Variants in ERCC6 observed in about 807,000 individuals in gnomAD.
ERCC6 encodes the protein DNA excision repair protein ERCC-6.
ERCC6 carries 116 observed loss-of-function variants against 158.7 expected under a neutral mutation model. The observed-to-expected ratio is 0.73, with a 90% CI of 0.63 to 0.85. The LOEUF is 0.85. ERCC6 is among the 40% of genes least tolerant of loss of function. ERCC6 has a pLI of 0.00. For missense variants in ERCC6, 1,698 were observed against 1,799.4 expected (o/e 0.94, Z 1.02); for synonymous variants, 678 against 659.3 (o/e 1.03, Z -0.43).
intron 1 of ERCC6, among the ~76,000 whole-genome samples, chr10:49,534,668 G>A (rs557786905): frequency 6.6e-6 from 1 of 152,230 alleles, no homozygotes; most frequent in African/African-American, 2.4e-5. Context: ...GCTTTAAGGA[G>A]AATATATTCA....
chr10:49,535,825 T>C (rs1344693973), intron 1 of ERCC6, among the ~76,000 whole-genome samples: 8 of 150,338 alleles, frequency 5.3e-5, no homozygotes, highest in Non-Finnish European at 1.0e-4. Context: ...CCATTTACCT[T>C]GGTAAAAGAA....
chr10:49,516,250 T>C (rs1405102904), intron 5 of ERCC6: 1 of 1,614,020 alleles, frequency 6.2e-7, no homozygotes, highest in African/African-American at 1.3e-5. Context: ...CGAATGGGCT[T>C]TCCCCGAATA....
chr10:49,523,525 A>C (rs1837226993), intron 5 of ERCC6, among the ~76,000 whole-genome samples: 1 of 152,246 alleles, frequency 6.6e-6, no homozygotes. Context: ...TATGCAGATG[A>C]CTATTTTCTC....
the ERCC6 span, among the ~76,000 whole-genome samples, chr10:49,437,028 C>G: frequency 6.6e-6 from 1 of 152,116 alleles, no homozygotes; most frequent in Non-Finnish European, 1.5e-5. Context: ...GGGAAGCACC[C>G]GGTGAGAGAT....
chr10:49,507,062 G>A (rs1362831992), intron 5 of ERCC6, among the ~76,000 whole-genome samples: 1 of 152,164 alleles, frequency 6.6e-6, no homozygotes, highest in African/African-American at 2.4e-5. Context: ...GAAGGCAAGA[G>A]AAAATGAAAG....
the ERCC6 span, among the ~76,000 whole-genome samples, chr10:49,436,749 C>T: frequency 5.4e-3 from 816 of 152,284 alleles, 23 homozygotes; most frequent in East Asian, 0.073. Flanking sequence ...GAGACAACCT[C>T]ACTCATGTGT....
chr10:49,470,088 C>T, intron 18 of ERCC6, 94 bp downstream of exon 18: 1 of 1,100,760 alleles, frequency 9.1e-7, no homozygotes, highest in Non-Finnish European at 1.4e-6. Context: ...TGACAGCCCT[C>T]TATGCACCAT....
At chr10:49,531,374 A>G (rs1457986190) in intron 2 of ERCC6, among the ~76,000 whole-genome samples, 2 of 152,224 alleles carry the variant, frequency 1.3e-5, no homozygotes, top group Non-Finnish European at 2.9e-5. Flanking sequence ...AAAATAAATT[A>G]CTCCTAAAAT....
intron 11 of ERCC6, 22 bp from the exon 12 acceptor site, chr10:49,476,332 A>G (rs1327862949): frequency 6.5e-7 from 1 of 1,543,108 alleles, no homozygotes; most frequent in East Asian, 2.2e-5. Context: ...AAAAACAAGG[A>G]AACTATAATT....
intron 10 of ERCC6, among the ~76,000 whole-genome samples, chr10:49,480,463 A>G (rs1258082345): frequency 6.6e-6 from 1 of 152,218 alleles, no homozygotes; most frequent in Admixed American, 6.5e-5. Flanking sequence ...GCAAGGCAAC[A>G]TGGTCTCAAA....
intron 5 of ERCC6, chr10:49,515,527 G>C: frequency 1.2e-6 from 2 of 1,614,122 alleles, no homozygotes; most frequent in Non-Finnish European, 1.7e-6. Context: ...GGTTCTGGAG[G>C]ATGACCATGG....
At chr10:49,538,333 A>G (rs1388234648) in intron 1 of ERCC6, among the ~76,000 whole-genome samples, 2 of 152,236 alleles carry the variant, frequency 1.3e-5, no homozygotes, top group Non-Finnish European at 2.9e-5. Context: ...GTGCAATGGA[A>G]TGACTCTGAA....
intron 5 of ERCC6, among the ~76,000 whole-genome samples, chr10:49,508,253 C>T (rs536785677): frequency 1.3e-4 from 20 of 152,240 alleles, no homozygotes; most frequent in East Asian, 1.2e-3. Flanking sequence ...TGGCACAAGG[C>T]CATTAAATAT....
intron 8 of ERCC6, 93 bp downstream of exon 8, chr10:49,493,024 T>C (rs1424536320): frequency 1.5e-6 from 2 of 1,301,126 alleles, no homozygotes; most frequent in Non-Finnish European, 1.1e-6. Flanking sequence ...CACAGGAATA[T>C]ACATTTGAGA....
chr10:49,534,165 A>G (rs10857501), intron 1 of ERCC6, among the ~76,000 whole-genome samples: 56,912 of 139,404 alleles, frequency 0.41, 11,700 homozygotes, highest in Non-Finnish European at 0.49. Context: ...CAAAAAAAAA[A>G]CTCCATTTTA....
At chr10:49,466,185 A>AACTT (rs1315871862) in intron 18 of ERCC6, among the ~76,000 whole-genome samples, 2 of 152,254 alleles carry the variant, frequency 1.3e-5, no homozygotes, top group African/African-American at 4.8e-5. Flanking sequence ...TGACTCAAGT[A>AACTT]GTGTTTTGAC....
chr10:49,460,531 C>T (rs1850563555), intron 19 of ERCC6, 80 bp from the exon 20 acceptor site: 3 of 977,930 alleles, frequency 3.1e-6, no homozygotes, highest in African/African-American at 3.2e-5. Flanking sequence ...CAACAATGAA[C>T]TTCTTCCTGG....
intron 18 of ERCC6, among the ~76,000 whole-genome samples, chr10:49,462,164 G>A (rs1301548170): frequency 6.6e-6 from 1 of 152,192 alleles, no homozygotes; most frequent in Admixed American, 6.5e-5. Context: ...GTTTGGTGCT[G>A]AGGAAAGAAG....
At chr10:49,515,476 G>A (rs571669209) in intron 5 of ERCC6, 18 of 1,614,104 alleles carry the variant, frequency 1.1e-5, no homozygotes, top group African/African-American at 8.0e-5. Flanking sequence ...CCATCATAAC[G>A]TGAGTCAATG....
Sources: gnomAD v4.1 joint callset for allele counts (sites outside exome capture counted in the v4.1 genomes callset) on GRCh38, gnomAD v4.1.1 for gene constraint, MANE v1.5 for transcripts, NCBI Gene and HGNC (gene_info 2026-07-23, HGNC 2026-07-21) for gene names.